The following WDR72 variants were observed in gnomAD, a reference collection of about 807,000 sequenced individuals.
WDR72 encodes the protein WD repeat domain 72, also known as WD repeat-containing protein 72.
Under a neutral mutation model 124.2 loss-of-function variants are expected in WDR72, and 120 were observed. The ratio of observed to expected loss-of-function variants is 0.97; its 90% CI spans 0.83 to 1.12. The LOEUF is 1.12. WDR72 is among the 50% of genes most tolerant of loss of function. The probability of loss-of-function intolerance (pLI) is 0.00; values close to 1 mark genes in which losing one functional copy is unlikely to be tolerated. For synonymous variants in WDR72, 452 were observed against 441.7 expected, an observed-to-expected ratio of 1.02 and a Z score of -0.29; for missense variants, 1,387 against 1,278.8, an observed-to-expected ratio of 1.08 and a Z score of -1.29.
chr15:53,563,124 G>A (rs564821167), intron 18 of WDR72, among the ~76,000 whole-genome samples: 8 of 151,704 alleles, frequency 5.3e-5, no homozygotes, highest in South Asian at 2.1e-4. Context: ...AATTTTCCAC[G>A]TAACAAAATA....
At chr15:53,758,778 G>C (rs1567067920) in intron 1 of WDR72, among the ~76,000 whole-genome samples, 1 of 118,336 alleles carries the variant, frequency 8.5e-6, no homozygotes, top group Non-Finnish European at 1.8e-5. Context: ...CGGGGGGGGG[G>C]GGGGCGGTGC....
chr15:53,616,273 G>T, intron 14 of WDR72, 30 bp from the exon 15 acceptor site: 3 of 1,550,700 alleles, frequency 1.9e-6, no homozygotes, highest in African/African-American at 2.7e-5. Flanking sequence ...TTGTGTCAAA[G>T]TTCTTGCTTA....
At chr15:53,714,399 T>C (rs199684120) in intron 6 of WDR72, 35 bp downstream of exon 6, 2 of 1,526,434 alleles carry the variant, frequency 1.3e-6, no homozygotes, top group Admixed American at 3.3e-5. Flanking sequence ...ATGCTTGAAA[T>C]TGTAAGGAAA....
intron 18 of WDR72, among the ~76,000 whole-genome samples, chr15:53,587,054 T>C (rs578101970): frequency 1.3e-5 from 2 of 152,136 alleles, no homozygotes; most frequent in South Asian, 4.1e-4. Flanking sequence ...TCAATGATTG[T>C]AGAGACACTT....
At chr15:53,725,041 T>A (rs1358890941) in intron 2 of WDR72, among the ~76,000 whole-genome samples, 2 of 151,892 alleles carry the variant, frequency 1.3e-5, no homozygotes, top group African/African-American at 4.8e-5. Context: ...AGAGAAATAT[T>A]TTCAAAAGTT....
chr15:53,756,579 C>T (rs940864045), intron 1 of WDR72: 2 of 151,408 alleles, frequency 1.3e-5, no homozygotes, highest in African/African-American at 4.9e-5. Flanking sequence ...CTTTACATTT[C>T]TCCCAGTTGA....
chr15:53,590,982 T>A (rs2012464469), intron 18 of WDR72, among the ~76,000 whole-genome samples: 1 of 152,030 alleles, frequency 6.6e-6, no homozygotes, highest in Non-Finnish European at 1.5e-5. Flanking sequence ...ATGTCCAGGT[T>A]TCTCATTCAT....
intron 17 of WDR72, among the ~76,000 whole-genome samples, chr15:53,598,485 C>T (rs978845633): frequency 2.2e-4 from 34 of 151,994 alleles, no homozygotes; most frequent in African/African-American, 7.2e-4. Flanking sequence ...AAACAAATTA[C>T]ATTCAGTCTC....
intron 18 of WDR72, among the ~76,000 whole-genome samples, chr15:53,545,240 T>C (rs1893385321): frequency 6.6e-6 from 1 of 151,678 alleles, no homozygotes. Flanking sequence ...GCTGGAGGCA[T>C]CACACTACCT....
intron 14 of WDR72, among the ~76,000 whole-genome samples, chr15:53,644,193 A>T (rs1186918722): frequency 6.6e-6 from 1 of 152,150 alleles, no homozygotes; most frequent in African/African-American, 2.4e-5. Context: ...AACCAAAAAC[A>T]CAAACTACAC....
At chr15:53,691,066 C>A (rs2016822499) in intron 13 of WDR72, among the ~76,000 whole-genome samples, 2 of 151,948 alleles carry the variant, frequency 1.3e-5, no homozygotes, top group Admixed American at 6.6e-5. Flanking sequence ...ATGTTGATAA[C>A]CTTTATAGGG....
chr15:53,574,671 AT>A (rs1345933572), intron 18 of WDR72, among the ~76,000 whole-genome samples: 3 of 152,028 alleles, frequency 2.0e-5, no homozygotes, highest in Admixed American at 1.3e-4. Flanking sequence ...TCTTGAAATA[AT>A]TTTTTTCATT....
intron 1 of WDR72, among the ~76,000 whole-genome samples, chr15:53,758,423 C>T (rs148916515): frequency 6.9e-4 from 105 of 152,150 alleles, no homozygotes; most frequent in African/African-American, 2.4e-3. Flanking sequence ...TTACTAGACA[C>T]CTTCAAGGGC....
At chr15:53,558,287 G>A (rs1457097663) in intron 18 of WDR72, among the ~76,000 whole-genome samples, 2 of 151,970 alleles carry the variant, frequency 1.3e-5, no homozygotes, top group Admixed American at 6.6e-5. Context: ...CTTTAATTCC[G>A]GTTTGCCTCG....
chr15:53,715,042 T>C (rs2017664314), intron 5 of WDR72, 151 bp downstream of exon 5: 3 of 853,634 alleles, frequency 3.5e-6, no homozygotes, highest in Admixed American at 2.9e-5. Flanking sequence ...TTAGTTTTTC[T>C]TGATCAGGTG....
intron 13 of WDR72, among the ~76,000 whole-genome samples, chr15:53,670,531 G>A (rs1465326405): frequency 1.3e-5 from 2 of 152,108 alleles, no homozygotes; most frequent in Admixed American, 6.5e-5. Flanking sequence ...ATCTGTCCAG[G>A]GGGACAACAA....
chr15:53,698,120 T>C (rs925126107), intron 13 of WDR72, among the ~76,000 whole-genome samples: 3 of 152,166 alleles, frequency 2.0e-5, no homozygotes. Flanking sequence ...AAAATTAAAA[T>C]ACAGAATGGG....
At chr15:53,706,128 C>T in intron 9 of WDR72, 54 bp from the exon 10 acceptor site, 1 of 1,581,184 alleles carries the variant, frequency 6.3e-7, no homozygotes, top group Non-Finnish European at 8.7e-7. Context: ...AGAGAGATGG[C>T]CACTGTTTTT....
intron 14 of WDR72, among the ~76,000 whole-genome samples, chr15:53,627,450 A>G (rs958771297): frequency 6.6e-6 from 1 of 152,216 alleles, no homozygotes; most frequent in Non-Finnish European, 1.5e-5. Flanking sequence ...ATTGTAGAGT[A>G]GATAGCAAAT....
Sources: gnomAD v4.1 joint callset for allele counts (sites outside exome capture counted in the v4.1 genomes callset) on GRCh38, gnomAD v4.1.1 for gene constraint, MANE v1.5 for transcripts, NCBI Gene and HGNC (gene_info 2026-07-23, HGNC 2026-07-21) for gene names.